DZIP3: variants seen among roughly 807,000 people sequenced by gnomAD.
The protein encoded by DZIP3 is E3 ubiquitin-protein ligase DZIP3.
A neutral mutation model predicts 162.0 loss-of-function variants in DZIP3; 118 were observed. That is an observed-to-expected ratio of 0.73 (90% CI 0.63 to 0.85). The LOEUF is 0.85. DZIP3 is among the 40% of genes least tolerant of loss of function. The pLI is 0.00. For synonymous variants in DZIP3, 438 were observed against 458.6 expected (o/e 0.96, Z 0.57); for missense variants, 1,331 against 1,407.0 (o/e 0.95, Z 0.86).
At chr3:108,631,055 A>ACACACACACTCTCTCTCTCT in intron 8 of DZIP3, among the ~76,000 whole-genome samples, 13 of 18,012 alleles carry the variant, frequency 7.2e-4, no homozygotes, top group African/African-American at 1.1e-3. Context: ...ACACACACAC[A>ACACACACACTCTCTCTCTCT]CTCTCTCTCT....
intron 4 of DZIP3, among the ~76,000 whole-genome samples, chr3:108,614,601 T>A (rs989174159): frequency 3.3e-5 from 5 of 152,148 alleles, no homozygotes; most frequent in African/African-American, 1.2e-4. Context: ...TAGTTTTCCA[T>A]GTCTATATCT....
Position 108,611,158 on chromosome 3 carries a change from C to G in DZIP3, c.103-16C>G. ...TATGCAAACTGTGTAAATTTTTAAT[C>G]AATAATGTCTTCTAGAACAAACAGG... On this transcript the variant is annotated splice_polypyrimidine_tract_variant and intron_variant, in intron 3 of 32. Coordinates refer to ENST00000361582, the MANE Select transcript of DZIP3 (RefSeq NM_014648.4). 1 of 1,556,558 alleles carries G rather than the reference C, an allele frequency of 6.4e-7. No individual in the cohort carries two copies. Among genetic ancestry groups the G allele is most frequent in the Admixed American group, 2.3e-5 (1 of 44,416 alleles).
chr3:108,688,509 C>A (rs1402445128), intron 29 of DZIP3, 84 bp from the exon 30 acceptor site: 1 of 1,422,578 alleles, frequency 7.0e-7, no homozygotes, highest in African/African-American at 1.4e-5. Context: ...CTAGTTCTTA[C>A]TATACCCCGT....
rs1290890022 is a variant in DZIP3 at position 108,686,528 on chromosome 3, C to G, written c.3093C>G (p.Ile1031Met). ...CAGGTCTGCGGAGTGATCCCTCCAT[C>G]ATGAATTGGGAGAGAATTACAGACA... ...PSAGLRSDPS[I>M]MNWERITDRL... is the part of the protein sequence containing the mutation. Residue 1031 changes from isoleucine to methionine, a missense_variant, in exon 28 of 33, where the codon ATC becomes ATG. By Grantham distance (10) the Ile-to-Met change is conservative. Transcript: ENST00000361582. 2 of 1,612,000 alleles carry G rather than the reference C, an allele frequency of 1.2e-6. No homozygotes were observed. Among genetic ancestry groups the G allele is most frequent in the Non-Finnish European group, 1.7e-6 (2 of 1,179,464 alleles).
intron 26 of DZIP3, among the ~76,000 whole-genome samples, chr3:108,679,442 A>T (rs1164621984): frequency 6.6e-6 from 1 of 152,130 alleles, no homozygotes; most frequent in African/African-American, 2.4e-5. Context: ...GTGGTAATTT[A>T]TAAGCATCCT....
chr3:108,619,245 C>CAGA (rs1169337386), intron 5 of DZIP3, among the ~76,000 whole-genome samples: 1 of 151,352 alleles, frequency 6.6e-6, no homozygotes, highest in Non-Finnish European at 1.5e-5. Context: ...CAGGGTTCTC[C>CAGA]AGAGAAACCA....
chr3:108,672,353 A>G (rs1365497070), intron 22 of DZIP3, among the ~76,000 whole-genome samples: 1 of 151,934 alleles, frequency 6.6e-6, no homozygotes, highest in East Asian at 1.9e-4. Flanking sequence ...ATCATAGCCT[A>G]CACCCTGATA....
intron 8 of DZIP3, among the ~76,000 whole-genome samples, chr3:108,632,621 G>C (rs971923220): frequency 6.6e-6 from 1 of 152,082 alleles, no homozygotes; most frequent in African/African-American, 2.4e-5. Flanking sequence ...GTATATAGTA[G>C]AGCAAATAAT....
chr3:108,659,456 C>T (rs989554617), intron 19 of DZIP3, among the ~76,000 whole-genome samples: 33 of 152,188 alleles, frequency 2.2e-4, no homozygotes, highest in African/African-American at 7.5e-4. Flanking sequence ...GCTAAAAACT[C>T]TCAATAAATT....
Position 108,653,495 on chromosome 3 carries a change from TTGTG to T in DZIP3, c.2034-640_2034-637del, listed in dbSNP as rs1306534707. 4.9e-3 allele frequency among the ~76,000 whole-genome samples: 481 copies of T among 99,126 alleles called. 3 individuals are homozygous for T. Among genetic ancestry groups the T allele is most frequent in the African/African-American group, 0.016 (464 of 29,546 alleles). 65.0% of individuals were successfully genotyped at this position (99,126 alleles called of 152,430 possible). A position where few individuals can be genotyped will look rare whatever the true frequency, so the allele number is the denominator to read the frequency against. On this transcript the variant is annotated intron_variant, in intron 18 of 32. Transcript: ENST00000361582. The stretch of plus-strand genomic sequence containing the variant: ...AAGTGTAGAAATTGGTTAATTGCCA[TTGTG>T]TGTGTGTGTATATATATATATATAT...
intron 9 of DZIP3, among the ~76,000 whole-genome samples, chr3:108,633,377 T>G (rs1941974572): frequency 6.6e-6 from 1 of 151,882 alleles, no homozygotes; most frequent in South Asian, 2.1e-4. Flanking sequence ...GAAAATGATC[T>G]AAAAAATGCT....
chr3:108,595,190 T>C (rs1939644568), intron 1 of DZIP3, among the ~76,000 whole-genome samples: 2 of 152,198 alleles, frequency 1.3e-5, no homozygotes, highest in Admixed American at 6.5e-5. Context: ...TAGCATAAAA[T>C]TTCTCTTTGT....
intron 10 of DZIP3, chr3:108,635,386 G>A: frequency 6.4e-6 from 2 of 311,174 alleles, no homozygotes; most frequent in Non-Finnish European, 1.3e-5. Flanking sequence ...CCATTTTAGA[G>A]GTGAAGAACA....
intron 4 of DZIP3, among the ~76,000 whole-genome samples, chr3:108,613,370 C>A (rs891006021): frequency 6.6e-6 from 1 of 151,978 alleles, no homozygotes; most frequent in Non-Finnish European, 1.5e-5. Flanking sequence ...GGAATTTGCC[C>A]ACTTAAACAT....
chr3:108,623,685 C>G (rs150654737), intron 5 of DZIP3, among the ~76,000 whole-genome samples: 2 of 152,206 alleles, frequency 1.3e-5, no homozygotes, highest in African/African-American at 2.4e-5. Context: ...TCCACTGGCT[C>G]CAAGCCCAGC....
chr3:108,615,421 A>T (rs1045355153), intron 4 of DZIP3, among the ~76,000 whole-genome samples: 1 of 152,152 alleles, frequency 6.6e-6, no homozygotes, highest in Non-Finnish European at 1.5e-5. Context: ...AAATTTGGAA[A>T]CTGTCAGTAT....
chr3:108,631,049 A>ACT lies in DZIP3; in HGVS notation c.696+1874_696+1875insTC, dbSNP rs1454927812. ...CACACACACACACACACACACACACACACACACTCTCTCTCTCTCTCTCTC... is the reference window on the plus strand; with the variant it reads ...CACACACACACACACACACACACACACTCACACACTCTCTCTCTCTCTCTCTC... On this transcript the variant is annotated intron_variant, in intron 8 of 32. Coordinates refer to ENST00000361582, the MANE Select transcript of DZIP3 (RefSeq NM_014648.4). Among the ~76,000 whole-genome samples the ACT allele has an allele frequency of 9.9e-4, 55 of 55,546 alleles. 1 individual carries two copies. Among genetic ancestry groups the ACT allele is most frequent in the Middle Eastern group, 9.1e-3 (1 of 110 alleles). The allele number at this position is 55,546 out of a possible 152,430, so 36.4% of individuals were successfully genotyped here. A position where few individuals can be genotyped will look rare whatever the true frequency, so the allele number is the denominator to read the frequency against.
chr3:108,624,206 T>C (rs958879198), intron 5 of DZIP3, among the ~76,000 whole-genome samples: 3 of 152,192 alleles, frequency 2.0e-5, no homozygotes, highest in African/African-American at 7.2e-5. Context: ...CCATATCCTT[T>C]CCTTTGATTA....
At position 108,663,700 on chromosome 3, in the gene DZIP3, C is replaced by A. The variant is rs145554910; in HGVS notation, c.2423+1443C>A. 5.1e-3 allele frequency among the ~76,000 whole-genome samples: 777 copies of A among 152,316 alleles called. 4 individuals are homozygous for A. The highest frequency in any genetic ancestry group is 0.015 in the African/African-American group (607 of 41,566). On this transcript the variant is annotated intron_variant, in intron 21 of 32. Coordinates refer to ENST00000361582, the MANE Select transcript of DZIP3 (RefSeq NM_014648.4). ...CAATGCAGATGAGCTACCTCTCTTC[C>A]ATCTGAAGATATCCCTCCGCAACTC...
Sources: gnomAD v4.1 joint callset for allele counts (sites outside exome capture counted in the v4.1 genomes callset) on GRCh38, gnomAD v4.1.1 for gene constraint, MANE v1.5 for transcripts, NCBI Gene and HGNC (gene_info 2026-07-23, HGNC 2026-07-21) for gene names.